Variants in PML observed in about 807,000 individuals in gnomAD.
PML encodes the protein PML nuclear body scaffold.
A neutral mutation model predicts 65.2 loss-of-function variants in PML; 28 were observed. The observed-to-expected ratio is 0.43, with a 90% CI of 0.32 to 0.59. The LOEUF (loss-of-function observed/expected upper bound fraction) is 0.59, where lower values mean the gene tolerates loss of function less well. Ranked by LOEUF, PML falls within the 20% of genes least tolerant of loss-of-function variation. PML has a pLI of 0.08. For missense variants in PML, 1,021 were observed against 1,203.4 expected (o/e 0.85, Z 2.24); for synonymous variants, 500 against 508.8 (o/e 0.98, Z 0.23).
At chr15:74,016,298 T>A (rs1013447742) in intron 2 of PML, among the ~76,000 whole-genome samples, 3 of 151,340 alleles carry the variant, frequency 2.0e-5, no homozygotes, top group African/African-American at 4.9e-5. Context: ...TAAATAAAAA[T>A]AAATAAATAA....
At chr15:74,034,168 G>C in intron 6 of PML, 1 of 466,454 alleles carries the variant, frequency 2.1e-6, no homozygotes, top group Non-Finnish European at 4.0e-6. Flanking sequence ...GATTGCAGAA[G>C]GTTCCAGACC....
At position 74,033,241 on chromosome 15, in the gene PML, A is replaced by G; in HGVS notation, c.1484A>G (p.Glu495Gly). The G allele has an allele frequency of 6.2e-7, 1 of 1,614,182 alleles. No individual in the cohort carries two copies. The highest frequency in any genetic ancestry group is 8.5e-7 in the Non-Finnish European group (1 of 1,180,026). Residue 495 changes from glutamate (E) to glycine (G), a missense_variant, in exon 6 of 9, where the codon GAG becomes GGG. By Grantham distance (98) the Glu-to-Gly change is moderately conservative (BLOSUM62 -2). Transcript: ENST00000268058. ...PRKVIKMESE[E>G]GKEARLARSS... ...AAGGTCATCAAGATGGAGTCTGAGG[A>G]GGGGAAGGAGGCAAGGTTGGCTCGG...
rs750828735 is a variant in PML at position 74,032,749 on chromosome 15, G to A, written c.1398+34G>A. 17 of 1,611,986 alleles carry A rather than the reference G, an allele frequency of 1.1e-5. No homozygotes were observed. The East Asian group carries it at 2.9e-4, about 27-fold the overall frequency. On this transcript the variant is annotated intron_variant, in intron 5 of 8. Transcript: ENST00000268058. ...CTCCCCAGCCCCAGCCTTCCCTCCT[G>A]AAGGCCTGAGTTCCACCAGGAAAGT...
At chr15:74,003,756 C>T (rs932242944) in intron 2 of PML, among the ~76,000 whole-genome samples, 1 of 152,068 alleles carries the variant, frequency 6.6e-6, no homozygotes, top group Admixed American at 6.5e-5. Flanking sequence ...GGTTTCATTG[C>T]TCATGATAAG....
chr15:74,023,005 G>C lies in PML; in HGVS notation c.780G>C (p.Gln260His). 1 of 1,608,722 alleles carries C rather than the reference G, an allele frequency of 6.2e-7. No homozygotes were observed. Among genetic ancestry groups the C allele is most frequent in the South Asian group, 1.1e-5 (1 of 90,908 alleles). The change falls in exon 3 of 9, where the codon CAG (glutamine) becomes CAC (histidine). Residue 260 changes from glutamine to histidine, a missense_variant. Transcript: ENST00000268058. ...QDSAFGAVHAQMHAAVGQLGR... is the reference protein window; with the variant it reads ...QDSAFGAVHAHMHAAVGQLGR... ...GTGCCTTTGGCGCGGTTCACGCGCA[G>C]ATGCACGCGGCCGTCGGCCAGCTGG...
At chr15:74,001,540 C>T (rs1251668185) in intron 2 of PML, among the ~76,000 whole-genome samples, 1 of 151,968 alleles carries the variant, frequency 6.6e-6, no homozygotes. Context: ...GGGGTTTCCC[C>T]ATGTTGACCA....
intron 2 of PML, among the ~76,000 whole-genome samples, chr15:74,015,492 T>C (rs1329495525): frequency 6.6e-6 from 1 of 152,190 alleles, no homozygotes; most frequent in Non-Finnish European, 1.5e-5. Flanking sequence ...CAGCTCTCCT[T>C]CACTGGTCCT....
chr15:74,004,855 C>T (rs181332774), intron 2 of PML, among the ~76,000 whole-genome samples: 16 of 151,506 alleles, frequency 1.1e-4, no homozygotes, highest in Non-Finnish European at 2.1e-4. Context: ...TACAGGAATG[C>T]GCCACTACAC....
chr15:74,008,738 CAAA>C (rs550873482), intron 2 of PML, among the ~76,000 whole-genome samples: 16 of 63,998 alleles, frequency 2.5e-4, no homozygotes, highest in Non-Finnish European at 2.3e-4. Context: ...GACTGTGTCT[CAAA>C]AAAAAAAAAA....
intron 7 of PML, chr15:74,034,805 T>G (rs1043922336): frequency 1.3e-5 from 19 of 1,439,060 alleles, no homozygotes; most frequent in Non-Finnish European, 3.6e-6. Flanking sequence ...GTCCAAGACC[T>G]TTGTCTGGAG....
chr15:74,009,975 C>A (rs544550914), intron 2 of PML, among the ~76,000 whole-genome samples: 1 of 151,942 alleles, frequency 6.6e-6, no homozygotes, highest in Non-Finnish European at 1.5e-5. Context: ...CTTTGCTATT[C>A]AGGGATGGAG....
At chr15:74,010,772 G>A (rs781375234) in intron 2 of PML, among the ~76,000 whole-genome samples, 1 of 152,126 alleles carries the variant, frequency 6.6e-6, no homozygotes, top group Non-Finnish European at 1.5e-5. Flanking sequence ...GTACTCTATG[G>A]CAAGAACCCA....
intron 2 of PML, among the ~76,000 whole-genome samples, chr15:74,021,453 C>T (rs922280880): frequency 3.3e-5 from 5 of 151,870 alleles, no homozygotes; most frequent in Non-Finnish European, 5.9e-5. Context: ...GGGGTGGTGG[C>T]GCATGCTTGT....
rs1465684365 is a variant in PML, at chr15:74,033,017, C to T, written c.1399-139C>T. On this transcript the variant is annotated intron_variant, in intron 5 of 8. Transcript: ENST00000268058. ...GGAAGGCTTCCTGTCTGAAGAGAGA[C>T]GTAATCTGCGTGGTTGAGAGCAGAG... 23 of 896,010 alleles carry T rather than the reference C, an allele frequency of 2.6e-5. No individual in the cohort carries two copies. The East Asian group carries it at 4.4e-4, about 17-fold the overall frequency. The allele number at this position is 896,010 out of a possible 1,614,324, so 55.5% of individuals were successfully genotyped here. A position where few individuals can be genotyped will look rare whatever the true frequency, so the allele number is the denominator to read the frequency against.
chr15:74,016,302 T>TA (rs1310431344), intron 2 of PML, among the ~76,000 whole-genome samples: 3 of 150,866 alleles, frequency 2.0e-5, no homozygotes, highest in African/African-American at 4.9e-5. Flanking sequence ...TAAAAATAAA[T>TA]AAATAAAATA....
chr15:73,994,890 C>T lies in PML; in HGVS notation c.78C>T (p.Pro26=). The change falls in exon 1 of 9, where the codon CCC becomes CCT. Residue 26 remains proline (P), a synonymous_variant. Transcript: ENST00000268058. ...CCCAGGAGCCCACCATGCCTCCCCC[C>T]GAGACCCCCTCTGAAGGCCGCCAGC... is the stretch of plus-strand genomic sequence containing the variant. ...ARPQEPTMPP[P]ETPSEGRQPS... The T allele has an allele frequency of 1.3e-6, 2 of 1,552,336 alleles. No individual in the cohort carries two copies. Among genetic ancestry groups the T allele is most frequent in the South Asian group, 1.2e-5 (1 of 84,248 alleles).
chr15:73,998,846 C>T (rs1286110579), intron 2 of PML, among the ~76,000 whole-genome samples: 3 of 151,998 alleles, frequency 2.0e-5, no homozygotes, highest in South Asian at 4.2e-4. Context: ...TGGAATTTTC[C>T]GAGAGCACTG....
intron 2 of PML, among the ~76,000 whole-genome samples, chr15:74,012,706 G>C (rs990042420): frequency 6.6e-6 from 1 of 152,194 alleles, no homozygotes. Context: ...CATCCTTCTA[G>C]TTTTGGTTCC....
At position 74,044,969 on chromosome 15, in the gene PML, TG is replaced by T; in HGVS notation, c.2612del (p.Gly871AlafsTer17). ...RAEGVSTPLA[G>X]RGLAERASQQ... ...CAGAAGGAGTCTCCACCCCACTTGC[TG>T]GCCGTGGCTTGGCAGAGAGGGCCTC... On this transcript the variant is annotated frameshift_variant, in exon 9 of 9. Transcript: ENST00000268058. LOFTEE classifies it high-confidence loss of function. 1 of 1,609,848 alleles carries T rather than the reference TG, an allele frequency of 6.2e-7. No individual in the cohort carries two copies. Among genetic ancestry groups the T allele is most frequent in the Non-Finnish European group, 8.5e-7 (1 of 1,178,702 alleles).
Sources: allele counts gnomAD v4.1 joint callset (sites outside exome capture counted in the v4.1 genomes callset), GRCh38; gene constraint gnomAD v4.1.1; transcripts MANE v1.5; gene names NCBI Gene and HGNC (gene_info 2026-07-23, HGNC 2026-07-21).